MYH10: variants seen among roughly 807,000 people sequenced by gnomAD.
The protein encoded by MYH10 is myosin heavy chain 10.
Under a neutral mutation model 257.8 loss-of-function variants are expected in MYH10, and 55 were observed. That is an observed-to-expected ratio of 0.21 (90% CI 0.17 to 0.27). MYH10 has a LOEUF of 0.27. Among genes scored for constraint, MYH10 ranks in the 10% least tolerant of loss-of-function variants. MYH10 has a pLI of 1.00. For missense variants in MYH10, 1,631 were observed against 2,500.6 expected, an observed-to-expected ratio of 0.65 and a Z score of 7.42; for synonymous variants, 854 against 921.7, an observed-to-expected ratio of 0.93 and a Z score of 1.33.
At chr17:8,622,773 T>C in intron 2 of MYH10, 129 bp downstream of exon 2, 1 of 1,152,540 alleles carries the variant, frequency 8.7e-7, no homozygotes, top group Admixed American at 2.9e-5. Flanking sequence ...TCTTTCTATC[T>C]TAAAGAGAAA....
intron 17 of MYH10, among the ~76,000 whole-genome samples, chr17:8,527,406 G>C (rs12449498): frequency 0.35 from 52,588 of 152,010 alleles, 9,157 homozygotes; most frequent in East Asian, 0.48. Context: ...CTAAGGCGCT[G>C]GGCAGACAGG....
Position 8,565,830 on chromosome 17 carries a change from G to A in MYH10, c.756+3890C>T, listed in dbSNP as rs187852946. On this transcript the variant is annotated intron_variant, in intron 7 of 42. Transcript: ENST00000360416. Reference sequence around the variant, plus strand: ...CTTCCTACCAGCAGAATGTAAAATAGGTTTCTATCAGACTTGATTGTCAAC... The same window carrying A: ...CTTCCTACCAGCAGAATGTAAAATAAGTTTCTATCAGACTTGATTGTCAAC... Among the ~76,000 whole-genome samples the A allele has an allele frequency of 1.5e-3, 228 of 152,206 alleles. 1 individual carries two copies. The highest frequency in any genetic ancestry group is 5.1e-3 in the African/African-American group (211 of 41,522).
rs528433688 is a variant in MYH10 at position 8,509,034 on chromosome 17, C to T, written c.3091-357G>A. ...GTCCTAGGCCTTCACATTCACTCAG[C>T]GCTCACTCACTGACTCACCCAGAGC... On this transcript the variant is annotated intron_variant, in intron 25 of 42. Coordinates refer to ENST00000360416, the MANE Select transcript of MYH10 (RefSeq NM_001256012.3). Among the ~76,000 whole-genome samples, 33 of 152,300 alleles carry T rather than the reference C, an allele frequency of 2.2e-4. No individual in the cohort carries two copies. The South Asian group carries it at 6.4e-3, about 30-fold the overall frequency.
rs2082512258 is a variant in MYH10, at chr17:8,548,419, A to G, written c.1064-11T>C. 3 of 1,420,406 alleles carry G rather than the reference A, an allele frequency of 2.1e-6. No homozygotes were observed. The Admixed American group carries it at 8.2e-5, about 39-fold the overall frequency. 88.0% of individuals were successfully genotyped at this position (1,420,406 alleles called of 1,614,324 possible). Reference sequence around the variant, plus strand: ...CTACTTTAAGCATTGCTTCATATTGATAAAAAGAAAAAAAAAATTAATATT... The same window carrying G: ...CTACTTTAAGCATTGCTTCATATTGGTAAAAAGAAAAAAAAAATTAATATT... On this transcript the variant is annotated splice_polypyrimidine_tract_variant and intron_variant, in intron 10 of 42. Transcript: ENST00000360416.
chr17:8,488,518 C>T (rs1915241044), intron 35 of MYH10, among the ~76,000 whole-genome samples: 3 of 152,118 alleles, frequency 2.0e-5, no homozygotes. Context: ...TCATAAATAC[C>T]TTAATAAATA....
Position 8,484,257 on chromosome 17 carries a change from T to G in MYH10, c.5056A>C (p.Lys1686Gln). Residue 1686 changes from lysine to glutamine, a missense_variant, in exon 37 of 43, where the codon AAG (lysine) becomes CAG (glutamine). Lys to Gln is a moderately conservative substitution (Grantham distance 53). Coordinates refer to ENST00000360416, the MANE Select transcript of MYH10 (RefSeq NM_001256012.3). Reference sequence around the variant, plus strand: ...TCTTCTAATTCACGTTGGTAATCCTTCATCTGAGCCTAAGATTAAATAAGA... The same window carrying G: ...TCTTCTAATTCACGTTGGTAATCCTGCATCTGAGCCTAAGATTAAATAAGA... The part of the protein sequence containing the change: ...KQLRKLQAQM[K>Q]DYQRELEEAR... The G allele has an allele frequency of 6.2e-7, 1 of 1,609,384 alleles. No individual in the cohort carries two copies. The highest frequency in any genetic ancestry group is 8.5e-7 in the Non-Finnish European group (1 of 1,178,640).
At chr17:8,539,750 G>C (rs1230065190) in intron 14 of MYH10, among the ~76,000 whole-genome samples, 1 of 151,836 alleles carries the variant, frequency 6.6e-6, no homozygotes, top group Non-Finnish European at 1.5e-5. Context: ...ACCATACCTG[G>C]CTAATTTTAA....
intron 19 of MYH10, among the ~76,000 whole-genome samples, chr17:8,520,358 T>C (rs1395671951): frequency 6.6e-6 from 1 of 152,094 alleles, no homozygotes; most frequent in East Asian, 1.9e-4. Flanking sequence ...TAGCTGGGCA[T>C]GGTGGCACGT....
chr17:8,518,788 G>C lies in MYH10; in HGVS notation c.2347C>G (p.Arg783Gly). Residue 783 changes from arginine to glycine, a missense_variant, in exon 21 of 43, where the codon CGG becomes GGG. By Grantham distance (125) the Arg-to-Gly change is moderately radical (BLOSUM62 -2). This residue lies in a region of MYH10 where 116 missense variants were observed against 221.6 expected (regional missense o/e 0.52). Transcript: ENST00000360416. The stretch of plus-strand genomic sequence containing the variant: ...AAGTTTGGGTCCAATTCTAAAGCCC[G>C]GATCTAAGAGAGAAAGAGTTTATTT... ...DGKQACERMI[R>G]ALELDPNLYR... 6.2e-7 allele frequency: 1 copy of C among 1,608,418 alleles called. No individual in the cohort carries two copies. Among genetic ancestry groups the C allele is most frequent in the Non-Finnish European group, 8.5e-7 (1 of 1,178,556 alleles).
At chr17:8,491,332 T>C (rs1000827598) in intron 34 of MYH10, among the ~76,000 whole-genome samples, 4 of 152,224 alleles carry the variant, frequency 2.6e-5, no homozygotes, top group African/African-American at 9.7e-5. Flanking sequence ...AAAACGAACA[T>C]GAAATCAACT....
At chr17:8,530,728 C>T in intron 16 of MYH10, 43 bp from the exon 17 acceptor site, 1 of 1,410,878 alleles carries the variant, frequency 7.1e-7, no homozygotes, top group African/African-American at 1.4e-5. Flanking sequence ...AGAGCAAATA[C>T]ACAAACACTT....
At chr17:8,492,619 T>C in intron 33 of MYH10, 110 bp from the exon 34 acceptor site, 1 of 1,240,518 alleles carries the variant, frequency 8.1e-7, no homozygotes, top group South Asian at 1.6e-5. Context: ...GATTATGGTG[T>C]TCTTGTATTT....
At chr17:8,579,293 A>T (rs77098795) in intron 4 of MYH10, among the ~76,000 whole-genome samples, 1 of 145,464 alleles carries the variant, frequency 6.9e-6, no homozygotes, top group African/African-American at 2.6e-5. Flanking sequence ...AAAAAAAAAA[A>T]TTGTACTATT....
At chr17:8,540,033 A>T (rs1323072452) in intron 14 of MYH10, among the ~76,000 whole-genome samples, 1 of 152,214 alleles carries the variant, frequency 6.6e-6, no homozygotes, top group African/African-American at 2.4e-5. Context: ...GCTGTCGCCT[A>T]GACTGGAGTG....
At chr17:8,505,320 T>A (rs1205332401) in intron 27 of MYH10, among the ~76,000 whole-genome samples, 2 of 152,272 alleles carry the variant, frequency 1.3e-5, no homozygotes, top group Non-Finnish European at 2.9e-5. Flanking sequence ...AAACCAGGGA[T>A]GCTCAAAGAA....
In MYH10 at chr17:8,513,686, CA is replaced by C; in HGVS notation, c.2614-18del. ...CGGCTTCACCTATGACAAAATTAAG[CA>C]GTTTTTTTTTTTTTATCATTCCAGC... On this transcript the variant is annotated intron_variant, in intron 22 of 42. Coordinates refer to ENST00000360416, the MANE Select transcript of MYH10 (RefSeq NM_001256012.3). 2.5e-6 allele frequency: 4 copies of C among 1,575,590 alleles called. No homozygotes were observed. The highest frequency in any genetic ancestry group is 3.6e-5 in the Admixed American group (2 of 56,092).
At chr17:8,478,687 G>C (rs1057288338) in intron 40 of MYH10, among the ~76,000 whole-genome samples, 1 of 152,122 alleles carries the variant, frequency 6.6e-6, no homozygotes, top group African/African-American at 2.4e-5. Flanking sequence ...GCACGTGTAG[G>C]TGTTAATTAC....
intron 28 of MYH10, among the ~76,000 whole-genome samples, chr17:8,503,207 C>T (rs374498858): frequency 6.6e-5 from 10 of 152,072 alleles, no homozygotes; most frequent in South Asian, 2.1e-4. Flanking sequence ...CGTTTGAACC[C>T]GGGAGGCGGA....
chr17:8,477,111 A>T lies in MYH10; in HGVS notation c.5707-63T>A. 1 of 1,585,342 alleles carries T rather than the reference A, an allele frequency of 6.3e-7. No individual in the cohort carries two copies. The highest frequency in any genetic ancestry group is 1.1e-5 in the South Asian group (1 of 89,572). On this transcript the variant is annotated intron_variant, in intron 41 of 42. Transcript: ENST00000360416. The surrounding 1 kb of genome is among the most constrained non-coding windows in gnomAD (Gnocchi z 4.2). ...GTGAATCCAGTGTCGGCCTCTCTGT[A>T]CCCCGAGCGTGGCAGTGTGGGGCTC...
Sources: gnomAD v4.1 joint callset for allele counts (sites outside exome capture counted in the v4.1 genomes callset) on GRCh38, gnomAD v4.1.1 for gene constraint, gnomAD v4.1.1 regional missense constraint, Gnocchi (gnomAD v3.1) non-coding constraint, MANE v1.5 for transcripts, NCBI Gene and HGNC (gene_info 2026-07-23, HGNC 2026-07-21) for gene names.